Variants in PIK3R3 observed in about 807,000 individuals in gnomAD.
The protein encoded by PIK3R3 is phosphoinositide-3-kinase regulatory subunit 3.
In PIK3R3, 64 loss-of-function variants were observed where a neutral mutation model predicts 62.9. The ratio of observed to expected loss-of-function variants is 1.02; its 90% CI spans 0.83 to 1.25. The LOEUF (loss-of-function observed/expected upper bound fraction) is 1.25. PIK3R3 is among the 50% of genes most tolerant of loss of function. The pLI is 0.00. For missense variants in PIK3R3, 614 were observed against 561.6 expected, an observed-to-expected ratio of 1.09 and a Z score of -0.94; for synonymous variants, 165 against 189.0, an observed-to-expected ratio of 0.87 and a Z score of 1.04.
intron 5 of PIK3R3, among the ~76,000 whole-genome samples, chr1:46,064,047 T>C (rs1648767685): frequency 6.6e-6 from 1 of 151,938 alleles, no homozygotes; most frequent in Non-Finnish European, 1.5e-5. Flanking sequence ...ATCCCATCTC[T>C]ACTAAAAATA....
intron 1 of PIK3R3, among the ~76,000 whole-genome samples, chr1:46,128,320 C>T (rs902293002): frequency 6.6e-6 from 1 of 151,980 alleles, no homozygotes; most frequent in Non-Finnish European, 1.5e-5. Context: ...CTGTGTAGTC[C>T]CAGCTACTCG....
chr1:46,050,870 C>G (rs1375820757), intron 7 of PIK3R3, among the ~76,000 whole-genome samples: 1 of 152,106 alleles, frequency 6.6e-6, no homozygotes, highest in African/African-American at 2.4e-5. Flanking sequence ...ATTATTTGGC[C>G]ATAAAAAGGA....
upstream of PIK3R3, chr1:46,132,680 C>G (rs1369920289): frequency 7.8e-7 from 1 of 1,289,752 alleles, no homozygotes. Context: ...GGACACCCTC[C>G]CCGCCCCATG....
At position 46,040,267 on chromosome 1, in the gene PIK3R3, A is replaced by G. The variant is rs1412912040; in HGVS notation, c.*3406T>C. 5 of 232,954 alleles carry G rather than the reference A, an allele frequency of 2.1e-5. No individual in the cohort carries two copies. Among genetic ancestry groups the G allele is most frequent in the African/African-American group, 8.8e-5 (4 of 45,288 alleles). The allele number at this position is 232,954 out of a possible 1,614,324, so 14.4% of individuals were successfully genotyped here. ...CGCCTTTCCCCCTACCCTCCCCAAC[A>G]ATTGCACAGCAATGTCTGAACACAT... is the stretch of plus-strand genomic sequence containing the variant. On this transcript the variant is annotated 3_prime_UTR_variant, in exon 10 of 10. Transcript: ENST00000262741.
At chr1:46,059,400 G>A (rs376834091) in intron 6 of PIK3R3, among the ~76,000 whole-genome samples, 2 of 152,162 alleles carry the variant, frequency 1.3e-5, no homozygotes, top group South Asian at 2.1e-4. Flanking sequence ...ACATTATCTT[G>A]GTAAGCACGC....
the PIK3R3 span, among the ~76,000 whole-genome samples, chr1:46,143,712 G>C: frequency 1.3e-5 from 2 of 152,038 alleles, no homozygotes; most frequent in African/African-American, 4.8e-5. Context: ...CAAATTTCTG[G>C]ACTCAAGCAA....
chr1:46,111,357 C>A (rs1269549731), intron 1 of PIK3R3, among the ~76,000 whole-genome samples: 2 of 152,214 alleles, frequency 1.3e-5, no homozygotes, highest in African/African-American at 4.8e-5. Flanking sequence ...GTACACAAAG[C>A]TTCTCAGAAA....
the PIK3R3 span, among the ~76,000 whole-genome samples, chr1:46,165,250 C>T: frequency 6.6e-6 from 1 of 151,896 alleles, no homozygotes; most frequent in African/African-American, 2.4e-5. Flanking sequence ...ATTCAAACAC[C>T]TCTGATGCCT....
At chr1:46,126,796 C>T (rs1367939302) in intron 1 of PIK3R3, among the ~76,000 whole-genome samples, 1 of 149,962 alleles carries the variant, frequency 6.7e-6, no homozygotes, top group Non-Finnish European at 1.5e-5. Flanking sequence ...ATGTATAATG[C>T]TTTATTATTT....
At chr1:46,086,397 A>G (rs1195994351) in intron 1 of PIK3R3, among the ~76,000 whole-genome samples, 1 of 152,146 alleles carries the variant, frequency 6.6e-6, no homozygotes, top group Non-Finnish European at 1.5e-5. Flanking sequence ...TCGAACCCAC[A>G]GTGTGCTATG....
In PIK3R3 at chr1:46,042,193, T is replaced by C. The variant is rs749860628; in HGVS notation, c.*1480A>G. On this transcript the variant is annotated 3_prime_UTR_variant, in exon 10 of 10. Coordinates refer to ENST00000262741, the MANE Select transcript of PIK3R3 (RefSeq NM_003629.4). The surrounding 1 kb of genome is among the most constrained non-coding windows in gnomAD (Gnocchi z 4.3). ...GTGTGGGGCATGATGGGGGCAGGAATAGATGCCTGCCCCCACTCCATTTGC... is the reference window on the plus strand; with the variant it reads ...GTGTGGGGCATGATGGGGGCAGGAACAGATGCCTGCCCCCACTCCATTTGC... The C allele has an allele frequency of 4.5e-6, 1 of 222,548 alleles. No homozygotes were observed. The highest frequency in any genetic ancestry group is 2.2e-5 in the African/African-American group (1 of 44,738). The allele number at this position is 222,548 out of a possible 1,614,324, so 13.8% of individuals were successfully genotyped here.
intron 9 of PIK3R3, among the ~76,000 whole-genome samples, chr1:46,045,062 A>G (rs898567316): frequency 6.6e-6 from 1 of 152,254 alleles, no homozygotes; most frequent in Non-Finnish European, 1.5e-5. Context: ...TCATCATATT[A>G]GTAGGTGACA....
At chr1:46,051,687 T>C (rs1557555154) in intron 7 of PIK3R3, among the ~76,000 whole-genome samples, 1 of 152,194 alleles carries the variant, frequency 6.6e-6, no homozygotes, top group Admixed American at 6.5e-5. Context: ...TTATGGCCGT[T>C]ATTATTTTAA....
At chr1:46,158,371 C>A in the PIK3R3 span, among the ~76,000 whole-genome samples, 1 of 152,198 alleles carries the variant, frequency 6.6e-6, no homozygotes, top group Non-Finnish European at 1.5e-5. Flanking sequence ...TTGTGACTTG[C>A]GCATGCTAGC....
At chr1:46,068,736 G>A (rs1023067867) in intron 3 of PIK3R3, among the ~76,000 whole-genome samples, 1 of 152,184 alleles carries the variant, frequency 6.6e-6, no homozygotes, top group Admixed American at 6.6e-5. Flanking sequence ...CAGTGATGCT[G>A]GGCCTGAATG....
intron 1 of PIK3R3, among the ~76,000 whole-genome samples, chr1:46,118,263 T>C (rs1457846823): frequency 6.6e-6 from 1 of 152,126 alleles, no homozygotes; most frequent in African/African-American, 2.4e-5. Flanking sequence ...ACTAGTAACA[T>C]TCAGAACGCA....
chr1:46,132,232 C>T lies in PIK3R3; in HGVS notation c.-280G>A. ...GACGGAGAGCAGAGGTGTTAAAAAG[C>T]GGCTTCCCAAAAATCCTTTCTACAC... On this transcript the variant is annotated 5_prime_UTR_variant, in exon 1 of 10. Transcript: ENST00000262741. 1 of 1,173,572 alleles carries T rather than the reference C, an allele frequency of 8.5e-7. No individual in the cohort carries two copies. The highest frequency in any genetic ancestry group is 1.1e-6 in the Non-Finnish European group (1 of 944,392). 72.7% of individuals were successfully genotyped at this position (1,173,572 alleles called of 1,614,324 possible).
At chr1:46,046,674 G>C (rs772317722) in intron 7 of PIK3R3, 49 bp from the exon 8 acceptor site, 9 of 1,287,700 alleles carry the variant, frequency 7.0e-6, no homozygotes, top group Middle Eastern at 1.8e-4. Flanking sequence ...ACTCTGACTG[G>C]ACAAAGTAGG....
At chr1:46,118,553 T>C (rs1654384700) in intron 1 of PIK3R3, among the ~76,000 whole-genome samples, 2 of 149,826 alleles carry the variant, frequency 1.3e-5, no homozygotes, top group Admixed American at 1.3e-4. Context: ...CCATTACTTG[T>C]CTTTTTTTTT....
Sources: gnomAD v4.1 joint callset for allele counts (sites outside exome capture counted in the v4.1 genomes callset) on GRCh38, gnomAD v4.1.1 for gene constraint, Gnocchi (gnomAD v3.1) non-coding constraint, MANE v1.5 for transcripts, NCBI Gene and HGNC (gene_info 2026-07-23, HGNC 2026-07-21) for gene names.